CHST3: variants seen among roughly 807,000 people sequenced by gnomAD.
CHST3 encodes carbohydrate sulfotransferase 3.
Under a neutral mutation model 35.4 loss-of-function variants are expected in CHST3, and 20 were observed. That is an observed-to-expected ratio of 0.57 (90% CI 0.40 to 0.82). The LOEUF (loss-of-function observed/expected upper bound fraction) is 0.82, where lower values mean the gene tolerates loss of function less well. CHST3 is among the 40% of genes least tolerant of loss of function. CHST3 has a pLI of 0.00. For synonymous variants in CHST3, 334 were observed against 295.9 expected, an observed-to-expected ratio of 1.13 and a Z score of -1.32; for missense variants, 693 against 670.1, an observed-to-expected ratio of 1.03 and a Z score of -0.38.
Position 72,007,988 on chromosome 10 carries a change from G to T in CHST3, c.957G>T (p.Lys319Asn). ...SRMVAFAGKY[K>N]TWKKWLDDEG... ...TGGTGGCCTTCGCCGGCAAGTATAA[G>T]ACCTGGAAGAAGTGGCTGGACGACG... Residue 319 changes from lysine to asparagine, a missense_variant, in exon 3 of 3, where the codon AAG becomes AAT. Physicochemically the swap from Lys to Asn is moderately conservative, Grantham distance 94. Transcript: ENST00000373115. The T allele has an allele frequency of 6.5e-7, 1 of 1,549,562 alleles. No individual in the cohort carries two copies. The highest frequency in any genetic ancestry group is 2.4e-5 in the East Asian group (1 of 40,870).
intron 1 of CHST3, among the ~76,000 whole-genome samples, chr10:71,971,953 C>T (rs1243688561): frequency 2.0e-5 from 3 of 152,140 alleles, no homozygotes; most frequent in Admixed American, 6.5e-5. Context: ...TTCTTTTTAC[C>T]GAGACATGCT....
At chr10:72,003,208 C>T (rs1335977423) in intron 1 of CHST3, among the ~76,000 whole-genome samples, 2 of 152,286 alleles carry the variant, frequency 1.3e-5, no homozygotes, top group Non-Finnish European at 1.5e-5. Flanking sequence ...CTTAAGCTGC[C>T]CATATCATTG....
At chr10:71,996,493 C>G (rs1003887803) in intron 1 of CHST3, among the ~76,000 whole-genome samples, 1 of 151,674 alleles carries the variant, frequency 6.6e-6, no homozygotes, top group East Asian at 1.9e-4. Context: ...TGTATACACC[C>G]ACTTTTTTTT....
At chr10:72,004,272 T>C (rs745329961) in intron 1 of CHST3, among the ~76,000 whole-genome samples, 3 of 152,148 alleles carry the variant, frequency 2.0e-5, no homozygotes, top group Admixed American at 1.3e-4. Context: ...TGGCCCAGGA[T>C]TGAGAGATAA....
At chr10:71,987,732 A>C (rs1839862185) in intron 1 of CHST3, among the ~76,000 whole-genome samples, 1 of 151,678 alleles carries the variant, frequency 6.6e-6, no homozygotes, top group Non-Finnish European at 1.5e-5. Flanking sequence ...AAAAAAAAAA[A>C]AGACAGAGGA....
At chr10:71,969,946 A>G (rs1839673632) in intron 1 of CHST3, among the ~76,000 whole-genome samples, 1 of 152,186 alleles carries the variant, frequency 6.6e-6, no homozygotes, top group Non-Finnish European at 1.5e-5. Flanking sequence ...TCTCCTTTTC[A>G]TTCGTTAAAC....
At chr10:71,982,644 G>GA (rs938780168) in intron 1 of CHST3, among the ~76,000 whole-genome samples, 5 of 152,272 alleles carry the variant, frequency 3.3e-5, no homozygotes, top group African/African-American at 1.2e-4. Flanking sequence ...CGGCTATTCA[G>GA]AAGCTGAGGT....
intron 1 of CHST3, among the ~76,000 whole-genome samples, chr10:71,993,862 G>A (rs1839918059): frequency 6.6e-6 from 1 of 152,132 alleles, no homozygotes; most frequent in Non-Finnish European, 1.5e-5. Flanking sequence ...CACTTTGGGA[G>A]GCTGAGGTGG....
chr10:71,982,678 G>A (rs1169070495), intron 1 of CHST3, among the ~76,000 whole-genome samples: 1 of 152,146 alleles, frequency 6.6e-6, no homozygotes, highest in African/African-American at 2.4e-5. Context: ...GAACCCGAGA[G>A]ATTGAGGCTG....
At chr10:71,977,235 G>C (rs4148925) in intron 1 of CHST3, among the ~76,000 whole-genome samples, 23,377 of 152,128 alleles carry the variant, frequency 0.15, 1,989 homozygotes, top group African/African-American at 0.24. Context: ...CATGAATGGG[G>C]CCAGCCCCAG....
chr10:72,007,569 A>T lies in CHST3; in HGVS notation c.538A>T (p.Asn180Tyr), dbSNP rs1249561246. 6.2e-7 allele frequency: 1 copy of T among 1,607,812 alleles called. No individual in the cohort carries two copies. The highest frequency in any genetic ancestry group is 1.3e-5 in the African/African-American group (1 of 74,882). Residue 180 changes from asparagine to tyrosine, a missense_variant, in exon 3 of 3, where the codon AAC becomes TAC. Physicochemically the swap from Asn to Tyr is moderately radical, Grantham distance 143. Coordinates refer to ENST00000373115, the MANE Select transcript of CHST3 (RefSeq NM_004273.5). ...RTVSFEPGGA[N>Y]AAGSALVYRD... is the part of the protein sequence containing the mutation. ...AGTGTCCTTCGAGCCGGGGGGCGCCAACGCCGCGGGCTCGGCCCTGGTGTA... is the reference window on the plus strand; with the variant it reads ...AGTGTCCTTCGAGCCGGGGGGCGCCTACGCCGCGGGCTCGGCCCTGGTGTA...
intron 1 of CHST3, among the ~76,000 whole-genome samples, chr10:71,968,042 T>TCCTGACCTCGTGATCTGCTCA (rs957164392): frequency 1.3e-5 from 2 of 150,020 alleles, no homozygotes; most frequent in African/African-American, 4.9e-5. Context: ...GGTCTCGATC[T>TCCTGACCTCGTGATCTGCTCA]CCTGACCTCG....
Position 72,013,412 on chromosome 10 carries a change from G to T in CHST3, c.*4941G>T, listed in dbSNP as rs917704230. On this transcript the variant is annotated 3_prime_UTR_variant, in exon 3 of 3. Transcript: ENST00000373115. ...TCCTTGCCATGGCCACAGACAATCT[G>T]CCGTCTCCTGGAAACGCTGGGGCTG... 1.3e-5 allele frequency: 2 copies of T among 152,204 alleles called. No individual in the cohort carries two copies. Among genetic ancestry groups the T allele is most frequent in the Non-Finnish European group, 2.9e-5 (2 of 68,044 alleles). The allele number at this position is 152,204 out of a possible 1,614,324, so 9.4% of individuals were successfully genotyped here. A position where few individuals can be genotyped will look rare whatever the true frequency, so the allele number is the denominator to read the frequency against.
At chr10:71,970,495 G>A (rs192129096) in intron 1 of CHST3, among the ~76,000 whole-genome samples, 128 of 152,154 alleles carry the variant, frequency 8.4e-4, no homozygotes, top group Admixed American at 2.5e-3. Flanking sequence ...CCCCCTCCCC[G>A]CCCAGTCCCT....
chr10:71,988,417 G>C (rs1279903813), intron 1 of CHST3, among the ~76,000 whole-genome samples: 1 of 152,178 alleles, frequency 6.6e-6, no homozygotes, highest in Non-Finnish European at 1.5e-5. Context: ...TTGAGTCATG[G>C]GGGTGGATCC....
At chr10:72,000,224 C>G (rs774542443) in intron 1 of CHST3, among the ~76,000 whole-genome samples, 1 of 152,174 alleles carries the variant, frequency 6.6e-6, no homozygotes, top group Non-Finnish European at 1.5e-5. Context: ...GACATTGATT[C>G]GTTCATTCAT....
At chr10:72,003,930 C>T (rs1840015319) in intron 1 of CHST3, among the ~76,000 whole-genome samples, 1 of 152,000 alleles carries the variant, frequency 6.6e-6, no homozygotes, top group African/African-American at 2.4e-5. Context: ...AATCCCAGTA[C>T]TTTGGGAGAC....
rs4148941 is a variant in CHST3 at position 72,009,234 on chromosome 10, C to A, written c.*763C>A. The A allele has an allele frequency of 0.66, 99,890 of 152,052 alleles. 34,223 individuals are homozygous for A. The highest frequency in any genetic ancestry group is 0.87 in the African/African-American group (36,095 of 41,470). 9.4% of individuals were successfully genotyped at this position (152,052 alleles called of 1,614,324 possible). On this transcript the variant is annotated 3_prime_UTR_variant, in exon 3 of 3. Coordinates refer to ENST00000373115, the MANE Select transcript of CHST3 (RefSeq NM_004273.5). Reference sequence around the variant, plus strand: ...ATGACACACCTCAGAGGAGCCTGTGCTTAACATTTGTAGGATTATTTCGAG... The same window carrying A: ...ATGACACACCTCAGAGGAGCCTGTGATTAACATTTGTAGGATTATTTCGAG...
At position 72,009,977 on chromosome 10, in the gene CHST3, G is replaced by A. The variant is rs1840092814; in HGVS notation, c.*1506G>A. 1 of 152,894 alleles carries A rather than the reference G, an allele frequency of 6.5e-6. No individual in the cohort carries two copies. The highest frequency in any genetic ancestry group is 1.5e-5 in the Non-Finnish European group (1 of 68,308). 9.5% of individuals were successfully genotyped at this position (152,894 alleles called of 1,614,324 possible). On this transcript the variant is annotated 3_prime_UTR_variant, in exon 3 of 3. Coordinates refer to ENST00000373115, the MANE Select transcript of CHST3 (RefSeq NM_004273.5). ...GGACAGGAGGAGGAGCCTTCCCCAG[G>A]AGGAACGAGGAGAGGTGGCCACGTG...
Sources: allele counts gnomAD v4.1 joint callset (sites outside exome capture counted in the v4.1 genomes callset), GRCh38; gene constraint gnomAD v4.1.1; transcripts MANE v1.5; gene names NCBI Gene and HGNC (gene_info 2026-07-23, HGNC 2026-07-21).